The following RBFOX1 variants were observed in gnomAD, a reference collection of about 807,000 sequenced individuals.
RBFOX1 encodes RNA binding fox-1 homolog 1, also known as RNA binding protein fox-1 homolog 1.
A neutral mutation model predicts 57.7 loss-of-function variants in RBFOX1; 8 were observed. The ratio of observed to expected loss-of-function variants is 0.14; its 90% CI spans 0.08 to 0.25. RBFOX1 has a LOEUF of 0.25. RBFOX1 is among the 10% of genes least tolerant of loss of function. The pLI is 1.00. For missense variants in RBFOX1, 611 were observed against 548.5 expected (o/e 1.11, Z -1.14); for synonymous variants, 326 against 222.4 (o/e 1.47, Z -4.15).
intron 4 of RBFOX1, among the ~76,000 whole-genome samples, chr16:7,254,009 G>T (rs554913970): frequency 6.6e-6 from 1 of 152,232 alleles, no homozygotes; most frequent in East Asian, 1.9e-4. Context: ...GGTGTTAGCA[G>T]GGATGGAAAG....
At chr16:5,991,531 A>G (rs2060396693) in intron 4 of RBFOX1, among the ~76,000 whole-genome samples, 1 of 152,192 alleles carries the variant, frequency 6.6e-6, no homozygotes, top group Admixed American at 6.5e-5. Flanking sequence ...AGGACCATGC[A>G]TCGTGGCTGG....
chr16:6,636,295 C>G (rs898112893), intron 2 of RBFOX1, among the ~76,000 whole-genome samples: 1 of 152,050 alleles, frequency 6.6e-6, no homozygotes, highest in African/African-American at 2.4e-5. Context: ...CTCAGCCTCC[C>G]GAGTAGCTGG....
chr16:5,727,149 C>T (rs1030998648), intron 3 of RBFOX1, among the ~76,000 whole-genome samples: 25 of 152,224 alleles, frequency 1.6e-4, no homozygotes, highest in African/African-American at 5.5e-4. Flanking sequence ...TGCCTGTAAT[C>T]CCAGTTACTC....
At chr16:5,465,787 A>G (rs185738329) in intron 1 of RBFOX1, among the ~76,000 whole-genome samples, 1 of 152,350 alleles carries the variant, frequency 6.6e-6, no homozygotes, top group East Asian at 1.9e-4. Flanking sequence ...CCTATGAAGT[A>G]GGCTGAGGAA....
intron 2 of RBFOX1, among the ~76,000 whole-genome samples, chr16:5,575,014 C>G (rs1044727718): frequency 6.6e-6 from 1 of 152,120 alleles, no homozygotes; most frequent in Non-Finnish European, 1.5e-5. Context: ...AGATAACAAA[C>G]GGATACTTGA....
chr16:6,881,039 C>G (rs918666032), intron 3 of RBFOX1, among the ~76,000 whole-genome samples: 5 of 152,214 alleles, frequency 3.3e-5, no homozygotes, highest in African/African-American at 1.2e-4. Context: ...ACCTTCCCCT[C>G]CTATGCCTGT....
At chr16:5,492,196 A>C (rs1192980687) in intron 2 of RBFOX1, among the ~76,000 whole-genome samples, 1 of 151,750 alleles carries the variant, frequency 6.6e-6, no homozygotes, top group African/African-American at 2.4e-5. Context: ...TGAACTACCT[A>C]CTCCTCTCTG....
At chr16:7,667,921 G>T (rs912353180) in intron 13 of RBFOX1, among the ~76,000 whole-genome samples, 7 of 152,148 alleles carry the variant, frequency 4.6e-5, no homozygotes, top group African/African-American at 1.7e-4. Context: ...TGATCCATCC[G>T]CCTCGGTCTC....
intron 1 of RBFOX1, among the ~76,000 whole-genome samples, chr16:5,392,383 C>T (rs897305688): frequency 6.6e-6 from 1 of 152,122 alleles, no homozygotes; most frequent in Non-Finnish European, 1.5e-5. Flanking sequence ...AAAGGCCGTA[C>T]TTCCAAATAA....
Position 5,473,095 on chromosome 16 carries a change from G to C in RBFOX1, c.258+5841G>C, listed in dbSNP as rs771861589. Among the ~76,000 whole-genome samples the C allele has an allele frequency of 6.4e-4, 98 of 152,244 alleles. 1 individual carries two copies. Among genetic ancestry groups the C allele is most frequent in the South Asian group, 6.2e-4 (3 of 4,826 alleles). ...CGAGGAGACTTTGATGACTGCCCTGGCTCAAACATGCCCCTTTCCATTGCC... is the reference window on the plus strand; with the variant it reads ...CGAGGAGACTTTGATGACTGCCCTGCCTCAAACATGCCCCTTTCCATTGCC... On this transcript the variant is annotated intron_variant, in intron 2 of 2. Coordinates refer to the RBFOX1 transcript ENST00000585867.
intron 3 of RBFOX1, among the ~76,000 whole-genome samples, chr16:5,737,209 T>C (rs2052608382): frequency 6.6e-6 from 1 of 152,018 alleles, no homozygotes; most frequent in Non-Finnish European, 1.5e-5. Flanking sequence ...CTGGGCTGGG[T>C]GCAGTTGCTC....
intron 4 of RBFOX1, among the ~76,000 whole-genome samples, chr16:7,281,852 T>G (rs1603483143): frequency 6.6e-6 from 1 of 151,778 alleles, no homozygotes; most frequent in African/African-American, 2.4e-5. Context: ...TTTCTTTTCT[T>G]TTCCTTTTAT....
chr16:6,886,797 G>GA (rs373166220), intron 3 of RBFOX1, among the ~76,000 whole-genome samples: 16 of 149,264 alleles, frequency 1.1e-4, no homozygotes, highest in Admixed American at 2.7e-4. Context: ...AAAAAAACCA[G>GA]AAAAAAAAAG....
At chr16:7,061,248 A>G (rs1260733868) in intron 4 of RBFOX1, among the ~76,000 whole-genome samples, 1 of 152,200 alleles carries the variant, frequency 6.6e-6, no homozygotes, top group Non-Finnish European at 1.5e-5. Context: ...TCATAAGTAC[A>G]TTTAAAATGT....
intron 1 of RBFOX1, among the ~76,000 whole-genome samples, chr16:6,122,969 A>AG (rs1236840858): frequency 1.3e-5 from 2 of 152,066 alleles, no homozygotes; most frequent in Admixed American, 6.6e-5. Flanking sequence ...ATAAAAAAAA[A>AG]AACTATTGGA....
intron 1 of RBFOX1, among the ~76,000 whole-genome samples, chr16:5,440,263 G>A (rs1039875426): frequency 6.6e-5 from 10 of 152,126 alleles, no homozygotes; most frequent in African/African-American, 2.4e-4. Context: ...TATCGTTCCA[G>A]GTACAAAATC....
chr16:7,493,287 TAG>T (rs1394133451), intron 4 of RBFOX1, among the ~76,000 whole-genome samples: 2 of 152,198 alleles, frequency 1.3e-5, no homozygotes, highest in African/African-American at 4.8e-5. Flanking sequence ...CACACGTGGC[TAG>T]AGTTTCCTGT....
At chr16:5,963,970 T>C (rs374467571) in intron 4 of RBFOX1, among the ~76,000 whole-genome samples, 45 of 152,154 alleles carry the variant, frequency 3.0e-4, no homozygotes, top group African/African-American at 1.0e-3. Flanking sequence ...AGGCAGCCTA[T>C]GAAATGGGAG....
chr16:5,779,788 G>A (rs936790006), intron 3 of RBFOX1, among the ~76,000 whole-genome samples: 1 of 152,136 alleles, frequency 6.6e-6, no homozygotes, highest in Admixed American at 6.5e-5. Context: ...GGCACAGGAG[G>A]CCACGACTGT....
Sources: gnomAD v4.1 joint callset for allele counts (sites outside exome capture counted in the v4.1 genomes callset) on GRCh38, gnomAD v4.1.1 for gene constraint, MANE v1.5 for transcripts, NCBI Gene and HGNC (gene_info 2026-07-23, HGNC 2026-07-21) for gene names.